GALNT10: variants seen among roughly 807,000 people sequenced by gnomAD.
GALNT10 encodes the protein GalNAc transferase 10.
A neutral mutation model predicts 75.0 loss-of-function variants in GALNT10; 41 were observed. That is an observed-to-expected ratio of 0.55 (90% CI 0.43 to 0.71). The LOEUF is 0.71. Ranked by LOEUF, GALNT10 falls within the 30% of genes least tolerant of loss-of-function variation. The probability of loss-of-function intolerance (pLI) is 0.00; values close to 1 mark genes in which losing one functional copy is unlikely to be tolerated. For missense variants in GALNT10, 727 were observed against 818.5 expected (o/e 0.89, Z 1.36); for synonymous variants, 302 against 313.0 (o/e 0.96, Z 0.37).
chr5:154,270,749 C>T (rs1170796019), intron 1 of GALNT10, among the ~76,000 whole-genome samples: 1 of 152,016 alleles, frequency 6.6e-6, no homozygotes, highest in East Asian at 1.9e-4. Flanking sequence ...AATCCCAAAA[C>T]TTTGGGAGGC....
chr5:154,307,697 C>T (rs34956975), intron 3 of GALNT10, among the ~76,000 whole-genome samples: 65,094 of 150,460 alleles, frequency 0.43, 14,767 homozygotes, highest in African/African-American at 0.53. Flanking sequence ...TTCCAACTCA[C>T]TGTAAAACCA....
chr5:154,347,176 G>A (rs1170061252), intron 4 of GALNT10: 4 of 513,386 alleles, frequency 7.8e-6, no homozygotes, highest in South Asian at 2.9e-5. Context: ...TTGTTGTCTG[G>A]CATTGTCTGA....
rs1426618694 is a variant in GALNT10 at position 154,415,505 on chromosome 5, A to AT, written c.1504-277dup. 5.9e-5 allele frequency among the ~76,000 whole-genome samples: 9 copies of AT among 152,018 alleles called. No individual in the cohort carries two copies. The East Asian group carries it at 1.8e-3, about 30-fold the overall frequency. ...AGGCATACGCCACCACACCCAGCTA[A>AT]TCTTTGTATTTTTAGTAGAGACGGG... On this transcript the variant is annotated intron_variant, in intron 10 of 11. Coordinates refer to ENST00000297107, the MANE Select transcript of GALNT10 (RefSeq NM_198321.4).
chr5:154,265,541 C>T (rs1195536439), intron 1 of GALNT10, among the ~76,000 whole-genome samples: 1 of 152,192 alleles, frequency 6.6e-6, no homozygotes, highest in East Asian at 1.9e-4. Context: ...TCTAAATTCA[C>T]AATGTGCATC....
At chr5:154,340,790 T>C (rs1335299986) in intron 4 of GALNT10, among the ~76,000 whole-genome samples, 1 of 152,244 alleles carries the variant, frequency 6.6e-6, no homozygotes, top group African/African-American at 2.4e-5. Flanking sequence ...AATTATGTTT[T>C]GATTTGAATC....
In GALNT10 at chr5:154,416,080, A is replaced by G; in HGVS notation, c.1653+148A>G. On this transcript the variant is annotated intron_variant, in intron 11 of 11. Transcript: ENST00000297107. The surrounding 1 kb of genome is among the most constrained non-coding windows in gnomAD (Gnocchi z 4.5). Reference sequence around the variant, plus strand: ...CCGGATTTTGTAGTCATTCAAGAGTAGTCAGAAATCTAGACTTCACTGTGA... The same window carrying G: ...CCGGATTTTGTAGTCATTCAAGAGTGGTCAGAAATCTAGACTTCACTGTGA... 1.4e-6 allele frequency: 1 copy of G among 713,364 alleles called. No homozygotes were observed. Among genetic ancestry groups the G allele is most frequent in the Non-Finnish European group, 2.3e-6 (1 of 432,906 alleles). 44.2% of individuals were successfully genotyped at this position (713,364 alleles called of 1,614,324 possible). A position where few individuals can be genotyped will look rare whatever the true frequency, so the allele number is the denominator to read the frequency against.
At chr5:154,269,455 T>C (rs1753828619) in intron 1 of GALNT10, among the ~76,000 whole-genome samples, 1 of 152,222 alleles carries the variant, frequency 6.6e-6, no homozygotes, top group Admixed American at 6.5e-5. Context: ...CCACTTGGTC[T>C]ATTATGATGT....
At chr5:154,367,075 C>A (rs1305344214) in intron 4 of GALNT10, among the ~76,000 whole-genome samples, 3 of 151,964 alleles carry the variant, frequency 2.0e-5, no homozygotes, top group Admixed American at 2.0e-4. Context: ...AGGATTTTAA[C>A]AAAAATAGAA....
intron 4 of GALNT10, among the ~76,000 whole-genome samples, chr5:154,332,706 C>T (rs1482578538): frequency 6.6e-6 from 1 of 152,196 alleles, no homozygotes; most frequent in East Asian, 1.9e-4. Context: ...AGAAAACCAT[C>T]ACCAGCAGCA....
intron 3 of GALNT10, among the ~76,000 whole-genome samples, chr5:154,303,184 CAAT>C (rs1754385386): frequency 6.6e-6 from 1 of 152,110 alleles, no homozygotes; most frequent in South Asian, 2.1e-4. Context: ...CAGTGAAGAA[CAAT>C]AATTTCTAAG....
At chr5:154,327,236 A>G (rs944986510) in intron 3 of GALNT10, among the ~76,000 whole-genome samples, 3 of 152,106 alleles carry the variant, frequency 2.0e-5, no homozygotes, top group African/African-American at 7.2e-5. Flanking sequence ...AAAATAAAAT[A>G]TATTTGTAGT....
chr5:154,365,958 G>C (rs981393306), intron 4 of GALNT10, among the ~76,000 whole-genome samples: 3 of 152,088 alleles, frequency 2.0e-5, no homozygotes, highest in South Asian at 2.1e-4. Flanking sequence ...TCTCTTTGCT[G>C]TCTCCTCCCA....
intron 3 of GALNT10, among the ~76,000 whole-genome samples, chr5:154,299,212 T>C (rs954216744): frequency 6.6e-6 from 1 of 152,246 alleles, no homozygotes; most frequent in Non-Finnish European, 1.5e-5. Context: ...CTGCAGATTC[T>C]TGGGCCCCAG....
In GALNT10 at chr5:154,416,310, G is replaced by A. The variant is rs1756507679; in HGVS notation, c.1653+378G>A. Among the ~76,000 whole-genome samples the A allele has an allele frequency of 6.6e-6, 1 of 152,082 alleles. No homozygotes were observed. The highest frequency in any genetic ancestry group is 1.5e-5 in the Non-Finnish European group (1 of 68,022). On this transcript the variant is annotated intron_variant, in intron 11 of 11. Transcript: ENST00000297107. This position sits in a 1 kb window ranked among gnomAD's most constrained non-coding sequence, Gnocchi z 4.5. ...CAGCCAGACATGGTGGCTCATGCCT[G>A]TACTCCCAGCTACTCGGGAGGCCGA...
chr5:154,362,714 T>C (rs1366586324), intron 4 of GALNT10, among the ~76,000 whole-genome samples: 1 of 152,242 alleles, frequency 6.6e-6, no homozygotes, highest in African/African-American at 2.4e-5. Flanking sequence ...GAGTCTTTTT[T>C]ATGGTTAGCA....
intron 1 of GALNT10, among the ~76,000 whole-genome samples, chr5:154,268,006 G>A (rs551720652): frequency 1.7e-4 from 26 of 152,278 alleles, no homozygotes; most frequent in Non-Finnish European, 3.4e-4. Flanking sequence ...TTTATAGGCA[G>A]CTTGGTCTTT....
intron 1 of GALNT10, among the ~76,000 whole-genome samples, chr5:154,253,943 G>A (rs1329856961): frequency 1.3e-5 from 2 of 152,018 alleles, no homozygotes; most frequent in East Asian, 1.9e-4. Context: ...AGGTGGCCCC[G>A]TCCCCTTCAG....
chr5:154,264,046 C>A (rs969592277), intron 1 of GALNT10, among the ~76,000 whole-genome samples: 1 of 152,128 alleles, frequency 6.6e-6, no homozygotes, highest in Non-Finnish European at 1.5e-5. Context: ...GGTGTGATGG[C>A]TTATACCTGT....
At chr5:154,218,212 C>G in intron 1 of GALNT10, 1 of 807,496 alleles carries the variant, frequency 1.2e-6, no homozygotes, top group Non-Finnish European at 1.5e-6. Flanking sequence ...ATGGGTCCCT[C>G]TCTCATTTTA....
Sources: gnomAD v4.1 joint callset for allele counts (sites outside exome capture counted in the v4.1 genomes callset) on GRCh38, gnomAD v4.1.1 for gene constraint, Gnocchi (gnomAD v3.1) non-coding constraint, MANE v1.5 for transcripts, NCBI Gene and HGNC (gene_info 2026-07-23, HGNC 2026-07-21) for gene names.